Variants in TNFSF11 observed in about 807,000 individuals in gnomAD.
TNFSF11 encodes the protein TNF superfamily member 11, also known as tumor necrosis factor ligand superfamily member 11.
In TNFSF11, 12 loss-of-function variants were observed where a neutral mutation model predicts 32.2. The observed-to-expected ratio is 0.37, with a 90% CI of 0.24 to 0.60. TNFSF11 has a LOEUF of 0.60. TNFSF11 is among the 20% of genes least tolerant of loss of function. The pLI is 0.66. For missense variants in TNFSF11, 345 were observed against 398.0 expected, an observed-to-expected ratio of 0.87 and a Z score of 1.13; for synonymous variants, 172 against 152.1, an observed-to-expected ratio of 1.13 and a Z score of -0.96.
chr13:42,588,800 A>T (rs1179667556), intron 2 of TNFSF11, among the ~76,000 whole-genome samples: 2 of 152,194 alleles, frequency 1.3e-5, no homozygotes, highest in Admixed American at 1.3e-4. Context: ...GTGGACAGGG[A>T]AGCCATGGTG....
At chr13:42,605,487 T>C (rs770580633) in intron 4 of TNFSF11, among the ~76,000 whole-genome samples, 11 of 152,200 alleles carry the variant, frequency 7.2e-5, no homozygotes, top group Non-Finnish European at 1.5e-4. Flanking sequence ...ATTAATTGGG[T>C]TTATCACAGA....
intron 4 of TNFSF11, 50 bp from the exon 5 acceptor site, chr13:42,606,447 C>T (rs776671904): frequency 1.2e-6 from 2 of 1,609,866 alleles, no homozygotes; most frequent in South Asian, 2.2e-5. Context: ...TGAAGACGTC[C>T]TTCTCATTTA....
rs138152019 is a variant in TNFSF11, at chr13:42,599,754, G to A, written c.388-998G>A. On this transcript the variant is annotated intron_variant, in intron 2 of 4. Coordinates refer to ENST00000398795, the MANE Select transcript of TNFSF11 (RefSeq NM_003701.4). The stretch of plus-strand genomic sequence containing the variant: ...CTGGCTAATTTTTGTATTTTTAGTA[G>A]ATACGGGGTTCCACTGTGTTGGCCC... Among the ~76,000 whole-genome samples, 1,227 of 152,176 alleles carry A rather than the reference G, an allele frequency of 8.1e-3. 4 individuals are homozygous for A. The highest frequency in any genetic ancestry group is 0.021 in the East Asian group (108 of 5,168).
intron 2 of TNFSF11, among the ~76,000 whole-genome samples, chr13:42,598,668 G>A (rs190804890): frequency 1.3e-5 from 2 of 152,240 alleles, no homozygotes; most frequent in African/African-American, 4.8e-5. Context: ...AAGGATAAGG[G>A]GCCCAATGGC....
Position 42,574,386 on chromosome 13 carries a change from G to T in TNFSF11, c.83G>T (p.Gly28Val), listed in dbSNP as rs201652399. 1.9e-6 allele frequency: 3 copies of T among 1,547,700 alleles called. No individual in the cohort carries two copies. The highest frequency in any genetic ancestry group is 2.6e-6 in the Non-Finnish European group (3 of 1,148,288). Residue 28 changes from glycine to valine, a missense_variant, in exon 1 of 5, where the codon GGC becomes GTC. Physicochemically the swap from Gly to Val is moderately radical, Grantham distance 109 (BLOSUM62 -3). Coordinates refer to ENST00000398795, the MANE Select transcript of TNFSF11 (RefSeq NM_003701.4). ...MGGGPGAPHEGPLHAPPPPAP... is the reference protein window; with the variant it reads ...MGGGPGAPHEVPLHAPPPPAP... ...GGCGGCCCCGGAGCCCCGCACGAGG[G>T]CCCCCTGCACGCCCCGCCGCCGCCT...
At chr13:42,565,413 T>C (rs1208764362) in intron 1 of TNFSF11, among the ~76,000 whole-genome samples, 3 of 152,138 alleles carry the variant, frequency 2.0e-5, no homozygotes, top group Non-Finnish European at 4.4e-5. Flanking sequence ...TTTTCAATGT[T>C]ACTACAACAT....
intron 4 of TNFSF11, among the ~76,000 whole-genome samples, chr13:42,605,563 A>G (rs1869410429): frequency 6.6e-6 from 1 of 152,172 alleles, no homozygotes; most frequent in Non-Finnish European, 1.5e-5. Flanking sequence ...AAAGGATTGG[A>G]CACACTGCTG....
At chr13:42,569,339 G>A (rs1331498484), upstream of TNFSF11, among the ~76,000 whole-genome samples, 1 of 151,996 alleles carries the variant, frequency 6.6e-6, no homozygotes, top group African/African-American at 2.4e-5. Flanking sequence ...ATGAGGTCGG[G>A]AGATCGAGAC....
At chr13:42,592,649 G>A (rs916071703) in intron 2 of TNFSF11, among the ~76,000 whole-genome samples, 2 of 152,142 alleles carry the variant, frequency 1.3e-5, no homozygotes, top group African/African-American at 4.8e-5. Context: ...TCAACCGGGA[G>A]GTCAGGAAGT....
intron 1 of TNFSF11, 40 bp downstream of exon 1, chr13:42,574,562 C>G: frequency 3.8e-6 from 6 of 1,588,834 alleles, no homozygotes; most frequent in Non-Finnish European, 5.1e-6. Context: ...GCTGAGAGCG[C>G]CCATCTCCTT....
In TNFSF11 at chr13:42,574,392, T is replaced by G; in HGVS notation, c.89T>G (p.Leu30Arg). 2 of 1,551,422 alleles carry G rather than the reference T, an allele frequency of 1.3e-6. No homozygotes were observed. Among genetic ancestry groups the G allele is most frequent in the South Asian group, 1.2e-5 (1 of 84,520 alleles). ...GGPGAPHEGPLHAPPPPAPHQ... is the reference protein window; with the variant it reads ...GGPGAPHEGPRHAPPPPAPHQ... ...CCCGGAGCCCCGCACGAGGGCCCCCTGCACGCCCCGCCGCCGCCTGCGCCG... is the reference window on the plus strand; with the variant it reads ...CCCGGAGCCCCGCACGAGGGCCCCCGGCACGCCCCGCCGCCGCCTGCGCCG... Residue 30 changes from leucine to arginine, a missense_variant, in exon 1 of 5, where the codon CTG (leucine) becomes CGG (arginine). Leu to Arg is a moderately radical substitution (Grantham distance 102, BLOSUM62 -2). Around this residue, in one of 2 missense-constraint regions of TNFSF11, gnomAD observed 197 missense variants for 182.0 expected, o/e 1.08. Coordinates refer to ENST00000398795, the MANE Select transcript of TNFSF11 (RefSeq NM_003701.4).
At chr13:42,595,326 A>G (rs1868746963) in intron 2 of TNFSF11, among the ~76,000 whole-genome samples, 1 of 152,230 alleles carries the variant, frequency 6.6e-6, no homozygotes, top group Non-Finnish European at 1.5e-5. Flanking sequence ...ACTTATCTAA[A>G]AATGCATAAA....
At chr13:42,599,063 G>A (rs1021604897) in intron 2 of TNFSF11, among the ~76,000 whole-genome samples, 5 of 152,130 alleles carry the variant, frequency 3.3e-5, no homozygotes, top group Non-Finnish European at 5.9e-5. Context: ...GTAGTGCCCT[G>A]GGTCTAGGCA....
At chr13:42,578,090 C>T (rs2137859854) in intron 1 of TNFSF11, among the ~76,000 whole-genome samples, 1 of 152,326 alleles carries the variant, frequency 6.6e-6, no homozygotes, top group Admixed American at 6.5e-5. Context: ...AGCCCAGTGC[C>T]TGGCATGTCT....
At chr13:42,573,710 G>C (rs61761331), upstream of TNFSF11, among the ~76,000 whole-genome samples, 29 of 152,246 alleles carry the variant, frequency 1.9e-4, no homozygotes, top group Middle Eastern at 6.8e-3. Flanking sequence ...AAGCACTTTG[G>C]GGGGAGAGGT....
chr13:42,601,459 T>G (rs1355859801), intron 4 of TNFSF11, among the ~76,000 whole-genome samples: 1 of 152,158 alleles, frequency 6.6e-6, no homozygotes, highest in Admixed American at 6.5e-5. Context: ...CTCCCCCTTC[T>G]CCAAGGGCTT....
At chr13:42,568,443 A>C (rs1872944670) in intron 2 of TNFSF11, among the ~76,000 whole-genome samples, 3 of 152,264 alleles carry the variant, frequency 2.0e-5, no homozygotes, top group Admixed American at 1.3e-4. Flanking sequence ...GTATATTTCC[A>C]GAAGACTGCC....
intron 2 of TNFSF11, among the ~76,000 whole-genome samples, chr13:42,598,822 A>C (rs533625835): frequency 6.6e-6 from 1 of 152,334 alleles, no homozygotes; most frequent in African/African-American, 2.4e-5. Flanking sequence ...AGAAAGAAAA[A>C]GATGCACTGT....
chr13:42,570,993 C>CTT (rs796223549), upstream of TNFSF11, among the ~76,000 whole-genome samples: 1 of 148,070 alleles, frequency 6.8e-6, no homozygotes, highest in South Asian at 2.1e-4. Flanking sequence ...TTTGTTGAAT[C>CTT]TTTTTTTTTT....
Sources: allele counts gnomAD v4.1 joint callset (sites outside exome capture counted in the v4.1 genomes callset), GRCh38; gene constraint gnomAD v4.1.1; regional missense constraint gnomAD v4.1.1; transcripts MANE v1.5; gene names NCBI Gene and HGNC (gene_info 2026-07-23, HGNC 2026-07-21).